MGAT4C: variants seen among roughly 807,000 people sequenced by gnomAD.
The protein encoded by MGAT4C is alpha-1,3-mannosyl-glycoprotein 4-beta-N-acetylglucosaminyltransferase C.
Under a neutral mutation model 40.1 loss-of-function variants are expected in MGAT4C, and 19 were observed. That is an observed-to-expected ratio of 0.47 (90% CI 0.33 to 0.70). The LOEUF (loss-of-function observed/expected upper bound fraction) is 0.70, where lower values mean the gene tolerates loss of function less well. Among genes scored for constraint, MGAT4C ranks in the 30% least tolerant of loss-of-function variants. The probability of loss-of-function intolerance (pLI) is 0.02; values close to 1 mark genes in which losing one functional copy is unlikely to be tolerated. For synonymous variants in MGAT4C, 181 were observed against 187.1 expected (o/e 0.97, Z 0.27); for missense variants, 491 against 563.2 (o/e 0.87, Z 1.30).
At chr12:86,554,713 C>A (rs2136400982) in intron 2 of MGAT4C, among the ~76,000 whole-genome samples, 1 of 152,282 alleles carries the variant, frequency 6.6e-6, no homozygotes, top group South Asian at 2.1e-4. Flanking sequence ...CTCTATTAGG[C>A]CTCCAACTGA....
At chr12:86,112,962 T>A (rs953804148) in intron 1 of MGAT4C, among the ~76,000 whole-genome samples, 1 of 151,758 alleles carries the variant, frequency 6.6e-6, no homozygotes, top group Admixed American at 6.6e-5. Context: ...TGTTTTCCTA[T>A]CATTAATCTA....
intron 3 of MGAT4C, among the ~76,000 whole-genome samples, chr12:86,382,726 C>T (rs1955964752): frequency 6.6e-6 from 1 of 152,200 alleles, no homozygotes; most frequent in African/African-American, 2.4e-5. Context: ...GCTGCTCCAG[C>T]CAGGGCTGAA....
intron 2 of MGAT4C, among the ~76,000 whole-genome samples, chr12:86,478,053 G>A (rs2136310168): frequency 6.6e-6 from 1 of 152,054 alleles, no homozygotes; most frequent in South Asian, 2.1e-4. Context: ...TATTTTCTGT[G>A]GATTTTATAA....
intron 3 of MGAT4C, among the ~76,000 whole-genome samples, chr12:86,412,636 T>G (rs1956629102): frequency 6.6e-6 from 1 of 152,206 alleles, no homozygotes; most frequent in Non-Finnish European, 1.5e-5. Flanking sequence ...TGGAAGGGAC[T>G]TGCCTTGTCT....
intron 2 of MGAT4C, among the ~76,000 whole-genome samples, chr12:86,538,765 G>A (rs1351117379): frequency 6.6e-5 from 10 of 151,600 alleles, no homozygotes; most frequent in Non-Finnish European, 1.5e-4. Context: ...CCGCCACCAC[G>A]CCTGGCTAAT....
intron 1 of MGAT4C, among the ~76,000 whole-genome samples, chr12:86,798,188 C>T (rs1952164895): frequency 6.6e-6 from 1 of 151,900 alleles, no homozygotes; most frequent in South Asian, 2.1e-4. Flanking sequence ...CCCATGAAAC[C>T]AGCCTTGTTC....
intron 2 of MGAT4C, among the ~76,000 whole-genome samples, chr12:86,474,925 G>A (rs1164647628): frequency 6.6e-6 from 1 of 151,944 alleles, no homozygotes; most frequent in East Asian, 1.9e-4. Flanking sequence ...TGCACAAAAA[G>A]TATATGTATA....
At chr12:86,689,895 C>A (rs1035942723) in intron 2 of MGAT4C, among the ~76,000 whole-genome samples, 1 of 152,202 alleles carries the variant, frequency 6.6e-6, no homozygotes, top group African/African-American at 2.4e-5. Context: ...ATGTTTAAGT[C>A]TGCTGAAGCT....
chr12:86,594,809 A>G (rs1256083311), intron 2 of MGAT4C, among the ~76,000 whole-genome samples: 1 of 152,180 alleles, frequency 6.6e-6, no homozygotes, highest in Non-Finnish European at 1.5e-5. Context: ...GTTACAACAA[A>G]ATTGGTTATT....
At chr12:86,259,572 A>T (rs116350027), upstream of MGAT4C, among the ~76,000 whole-genome samples, 1,161 of 151,460 alleles carry the variant, frequency 7.7e-3, 22 homozygotes, top group African/African-American at 0.027. Flanking sequence ...CTCTAATTTC[A>T]TAAAGGAATA....
chr12:86,203,055 T>TGTGTGTG (rs1566138917), intron 1 of MGAT4C, among the ~76,000 whole-genome samples: 1 of 144,904 alleles, frequency 6.9e-6, no homozygotes, highest in African/African-American at 2.5e-5. Context: ...TGTGTGTGTG[T>TGTGTGTG]TTTTACATAG....
chr12:86,251,413 T>A (rs139166233), intron 1 of MGAT4C, among the ~76,000 whole-genome samples: 3 of 152,022 alleles, frequency 2.0e-5, no homozygotes, highest in Non-Finnish European at 4.4e-5. Flanking sequence ...ACTACCTGAA[T>A]ACAATTTGCA....
intron 4 of MGAT4C, among the ~76,000 whole-genome samples, chr12:86,321,678 A>G (rs952661171): frequency 3.3e-5 from 5 of 152,154 alleles, no homozygotes; most frequent in Non-Finnish European, 5.9e-5. Context: ...GTGAGATACC[A>G]TCTCACACCA....
rs73383684 is a variant in MGAT4C, at chr12:86,180,729, C to T, written c.-57+75510G>A. ...CTCCTATTTGGAATGGCTATATGTA[C>T]TCAATACCTGTACCCCCATTGTATC... On this transcript the variant is annotated intron_variant, in intron 1 of 4. Transcript: ENST00000611864. 3.5e-3 allele frequency among the ~76,000 whole-genome samples: 529 copies of T among 152,286 alleles called. 2 individuals are homozygous for T. Among genetic ancestry groups the T allele is most frequent in the African/African-American group, 0.012 (516 of 41,564 alleles).
At chr12:86,324,843 T>C (rs1420261250) in intron 4 of MGAT4C, among the ~76,000 whole-genome samples, 3 of 152,118 alleles carry the variant, frequency 2.0e-5, no homozygotes, top group Admixed American at 2.0e-4. Flanking sequence ...ATGGAAGTAC[T>C]TGGATAACAG....
chr12:86,371,530 G>C lies in MGAT4C; in HGVS notation c.-119-37403C>G, dbSNP rs961681914. ...GTAGAACACCCCTCACTAGGTAACAGTGACTGGCCTCATGTGTTTTCATGC... is the reference window on the plus strand; with the variant it reads ...GTAGAACACCCCTCACTAGGTAACACTGACTGGCCTCATGTGTTTTCATGC... On this transcript the variant is annotated intron_variant, in intron 3 of 7. Coordinates refer to the MGAT4C transcript ENST00000548651. 6.5e-4 allele frequency among the ~76,000 whole-genome samples: 99 copies of C among 151,982 alleles called. 1 individual carries two copies. Among genetic ancestry groups the C allele is most frequent in the African/African-American group, 2.1e-3 (85 of 41,418 alleles).
chr12:85,980,494 G>A (rs1461029491), intron 4 of MGAT4C, 64 bp from the exon 5 acceptor site: 3 of 1,409,220 alleles, frequency 2.1e-6, no homozygotes, highest in Non-Finnish European at 2.9e-6. Context: ...GTAAAAGAGA[G>A]AAGATATTTA....
At chr12:86,421,806 A>C (rs949406644) in intron 3 of MGAT4C, among the ~76,000 whole-genome samples, 2 of 152,202 alleles carry the variant, frequency 1.3e-5, no homozygotes, top group Non-Finnish European at 2.9e-5. Context: ...ATTAAAAACC[A>C]AATGTAAAAT....
intron 2 of MGAT4C, among the ~76,000 whole-genome samples, chr12:85,991,996 G>C (rs1369961469): frequency 6.6e-6 from 1 of 152,110 alleles, no homozygotes; most frequent in African/African-American, 2.4e-5. Context: ...GCAGACAAAG[G>C]TGCCACTAGC....
Sources: allele counts gnomAD v4.1 joint callset (sites outside exome capture counted in the v4.1 genomes callset), GRCh38; gene constraint gnomAD v4.1.1; transcripts MANE v1.5; gene names NCBI Gene and HGNC (gene_info 2026-07-23, HGNC 2026-07-21).